The following DPP10 variants were observed in gnomAD, a reference collection of about 807,000 sequenced individuals.
DPP10 encodes the protein inactive dipeptidyl peptidase 10.
A neutral mutation model predicts 120.9 loss-of-function variants in DPP10; 33 were observed. That is an observed-to-expected ratio of 0.27 (90% confidence interval 0.21 to 0.37). The LOEUF is 0.37. Ranked by LOEUF, DPP10 falls within the 10% of genes least tolerant of loss-of-function variation. The pLI, the probability that DPP10 is intolerant of heterozygous loss-of-function variation, is 1.00. For missense variants in DPP10, 816 were observed against 942.8 expected (o/e 0.87, Z 1.76); for synonymous variants, 337 against 326.1 (o/e 1.03, Z -0.36).
intron 1 of DPP10, among the ~76,000 whole-genome samples, chr2:114,667,584 A>T (rs1335819634): frequency 6.6e-6 from 1 of 152,216 alleles, no homozygotes; most frequent in Non-Finnish European, 1.5e-5. Context: ...AAATGGAGTC[A>T]GTGAACTACA....
At position 115,151,082 on chromosome 2, in the gene DPP10, T is replaced by C. The variant is rs114453841; in HGVS notation, c.61-158157T>C. On this transcript the variant is annotated intron_variant, in intron 1 of 25. Transcript: ENST00000410059. ...TATTCCTTGGGTGATTGCATGTTGG[T>C]AACAGTCTTTCTATGACCGTTATAA... Among the ~76,000 whole-genome samples, 494 of 152,326 alleles carry C rather than the reference T, an allele frequency of 3.2e-3. 2 individuals are homozygous for C. The highest frequency in any genetic ancestry group is 5.3e-3 in the Non-Finnish European group (361 of 68,028).
Position 115,712,541 on chromosome 2 carries a change from TAAA to T in DPP10, c.577-15274_577-15272del, listed in dbSNP as rs1559062053. On this transcript the variant is annotated intron_variant, in intron 7 of 25. Transcript: ENST00000410059. ...GAAATAGCTTTGAAGAGTCCTGAATTAAATATATATATATATATATATATAAAG... is the reference window on the plus strand; with the variant it reads ...GAAATAGCTTTGAAGAGTCCTGAATTTATATATATATATATATATATAAAG... 2.6e-3 allele frequency among the ~76,000 whole-genome samples: 81 copies of T among 31,278 alleles called. 9 individuals carry two copies. Among genetic ancestry groups the T allele is most frequent in the Admixed American group, 0.013 (21 of 1,622 alleles). 20.5% of individuals were successfully genotyped at this position (31,278 alleles called of 152,430 possible).
At chr2:115,819,393 T>G (rs1020379552) in intron 21 of DPP10, among the ~76,000 whole-genome samples, 1 of 152,178 alleles carries the variant, frequency 6.6e-6, no homozygotes, top group Non-Finnish European at 1.5e-5. Flanking sequence ...GGCAGTAATA[T>G]CCCATTTTGA....
chr2:115,602,313 A>G (rs1363682246), intron 5 of DPP10, among the ~76,000 whole-genome samples: 1 of 152,220 alleles, frequency 6.6e-6, no homozygotes, highest in African/African-American at 2.4e-5. Context: ...TGAGAAACAT[A>G]ATGAATGGTT....
At chr2:115,692,803 C>T (rs999265996) in intron 7 of DPP10, among the ~76,000 whole-genome samples, 1 of 152,046 alleles carries the variant, frequency 6.6e-6, no homozygotes, top group Non-Finnish European at 1.5e-5. Context: ...ATAAGATGCA[C>T]ATTACTATGA....
intron 1 of DPP10, among the ~76,000 whole-genome samples, chr2:115,129,222 T>G (rs944013894): frequency 1.3e-5 from 2 of 152,212 alleles, no homozygotes; most frequent in Non-Finnish European, 2.9e-5. Flanking sequence ...GTTCACATAT[T>G]GATAGGAACT....
At chr2:115,291,808 C>G (rs1156397515) in intron 1 of DPP10, among the ~76,000 whole-genome samples, 1 of 152,068 alleles carries the variant, frequency 6.6e-6, no homozygotes, top group East Asian at 1.9e-4. Context: ...TCATCAATAC[C>G]AAGGCTCGGG....
chr2:115,463,113 A>T (rs1010620784), intron 3 of DPP10, among the ~76,000 whole-genome samples: 3 of 152,186 alleles, frequency 2.0e-5, no homozygotes, highest in South Asian at 2.1e-4. Context: ...ACTCTGTGCC[A>T]GTGTCAACTG....
chr2:114,812,740 CTTTG>C lies in DPP10; in HGVS notation c.60+369907_60+369910del, dbSNP rs772503172. Reference sequence around the variant, plus strand: ...TTTGTTTGTTTGTTTGTTTGTCTGTCTTTGTTTGCTTGTTTGTTTTTGTCTGTCA... The same window carrying C: ...TTTGTTTGTTTGTTTGTTTGTCTGTCTTTGCTTGTTTGTTTTTGTCTGTCA... On this transcript the variant is annotated intron_variant, in intron 1 of 25. Transcript: ENST00000410059. Among the ~76,000 whole-genome samples, 36 of 152,032 alleles carry C rather than the reference CTTTG, an allele frequency of 2.4e-4. No homozygotes were observed. The East Asian group carries it at 2.9e-3, about 12-fold the overall frequency.
chr2:115,487,273 G>T (rs2075833920), intron 3 of DPP10, among the ~76,000 whole-genome samples: 1 of 132,082 alleles, frequency 7.6e-6, no homozygotes, highest in Admixed American at 8.0e-5. Flanking sequence ...TGGGTAGGAA[G>T]AATCAATATC....
rs573374353 is a variant in DPP10 at position 114,723,136 on chromosome 2, A to G, written c.60+280298A>G. Among the ~76,000 whole-genome samples, 16 of 152,258 alleles carry G rather than the reference A, an allele frequency of 1.1e-4. No individual in the cohort carries two copies. In the East Asian group the frequency reaches 2.9e-3, roughly 28 times the overall value. On this transcript the variant is annotated intron_variant, in intron 1 of 25. Coordinates refer to ENST00000410059, the MANE Select transcript of DPP10 (RefSeq NM_020868.6). ...AGTTTAGTATTAGCTGGCTTCTCAC[A>G]TTTGGGTGAGGTTTATGGTCATCGA... is the stretch of plus-strand genomic sequence containing the variant.
intron 1 of DPP10, among the ~76,000 whole-genome samples, chr2:114,458,887 A>C (rs1374389623): frequency 6.6e-6 from 1 of 152,208 alleles, no homozygotes; most frequent in Non-Finnish European, 1.5e-5. Flanking sequence ...ATCATCTCTG[A>C]GTTATTGGGA....
intron 1 of DPP10, among the ~76,000 whole-genome samples, chr2:114,962,002 A>G (rs1558927941): frequency 6.6e-6 from 1 of 152,104 alleles, no homozygotes; most frequent in Non-Finnish European, 1.5e-5. Context: ...CCAATTCATT[A>G]ATTAATTACT....
At chr2:115,647,098 A>G (rs975903203) in intron 5 of DPP10, among the ~76,000 whole-genome samples, 33 of 152,174 alleles carry the variant, frequency 2.2e-4, no homozygotes, top group African/African-American at 7.2e-4. Context: ...TGTAATTCCT[A>G]TGGGCTCCAG....
At position 115,782,419 on chromosome 2, in the gene DPP10, A is replaced by C. The variant is rs202162249; in HGVS notation, c.1531+20A>C. On this transcript the variant is annotated intron_variant, in intron 17 of 25. Coordinates refer to ENST00000410059, the MANE Select transcript of DPP10 (RefSeq NM_020868.6). The stretch of plus-strand genomic sequence containing the variant: ...CAGCAAGTGAGTACACAAGAAGACA[A>C]TTAAGAATAGTTATGGTTGGCATTA... 3.1e-5 allele frequency: 49 copies of C among 1,604,062 alleles called. No individual in the cohort carries two copies. The East Asian group carries it at 1.0e-3, about 33-fold the overall frequency.
chr2:115,287,586 C>T (rs1396615188), intron 1 of DPP10, among the ~76,000 whole-genome samples: 1 of 152,060 alleles, frequency 6.6e-6, no homozygotes, highest in Non-Finnish European at 1.5e-5. Flanking sequence ...AGGATAATGG[C>T]CTCCAGTTCT....
intron 1 of DPP10, among the ~76,000 whole-genome samples, chr2:115,098,429 T>C (rs549091635): frequency 1.3e-5 from 2 of 152,264 alleles, no homozygotes; most frequent in East Asian, 3.9e-4. Context: ...AGAGCATACT[T>C]ACGGAAACCT....
chr2:115,840,692 A>C, intron 24 of DPP10, 58 bp from the exon 25 acceptor site: 6 of 1,515,426 alleles, frequency 4.0e-6, no homozygotes, highest in Non-Finnish European at 5.5e-6. Flanking sequence ...AAATAATATG[A>C]AAAAGTTCTC....
chr2:115,196,240 A>G (rs1260657607), intron 1 of DPP10, among the ~76,000 whole-genome samples: 2 of 152,176 alleles, frequency 1.3e-5, no homozygotes, highest in Non-Finnish European at 2.9e-5. Flanking sequence ...TTAGAGTTCA[A>G]CTTACGTGTA....
Sources: allele counts gnomAD v4.1 joint callset (sites outside exome capture counted in the v4.1 genomes callset), GRCh38; gene constraint gnomAD v4.1.1; transcripts MANE v1.5; gene names NCBI Gene and HGNC (gene_info 2026-07-23, HGNC 2026-07-21).